The following NRG3 variants were observed in gnomAD, a reference collection of about 807,000 sequenced individuals.
The protein encoded by NRG3 is neuregulin 3, also known as pro-neuregulin-3, membrane-bound isoform.
NRG3 carries 31 observed loss-of-function variants against 66.9 expected under a neutral mutation model. The ratio of observed to expected loss-of-function variants is 0.46; its 90% CI spans 0.35 to 0.63. NRG3 has a LOEUF of 0.63. Ranked by LOEUF, NRG3 falls within the 20% of genes least tolerant of loss-of-function variation. The pLI is 0.00. For missense variants in NRG3, 910 were observed against 878.9 expected, an observed-to-expected ratio of 1.04 and a Z score of -0.45; for synonymous variants, 393 against 359.4, an observed-to-expected ratio of 1.09 and a Z score of -1.06.
intron 2 of NRG3, among the ~76,000 whole-genome samples, chr10:82,653,764 A>G (rs1428671488): frequency 6.6e-6 from 1 of 152,172 alleles, no homozygotes; most frequent in Non-Finnish European, 1.5e-5. Flanking sequence ...GAATAGCTGC[A>G]AGGAATAAAT....
chr10:81,978,548 C>T (rs977947750), intron 1 of NRG3, among the ~76,000 whole-genome samples: 5 of 152,040 alleles, frequency 3.3e-5, no homozygotes, highest in African/African-American at 1.2e-4. Context: ...TTGTTTATAG[C>T]CTCCTCCCAG....
At chr10:82,809,675 G>T (rs1355243208) in intron 3 of NRG3, among the ~76,000 whole-genome samples, 2 of 152,044 alleles carry the variant, frequency 1.3e-5, no homozygotes, top group Non-Finnish European at 2.9e-5. Flanking sequence ...TACTTTCAGG[G>T]TTCATTTGTG....
At chr10:81,898,675 A>G (rs1358627945) in intron 1 of NRG3, among the ~76,000 whole-genome samples, 1 of 152,162 alleles carries the variant, frequency 6.6e-6, no homozygotes, top group Non-Finnish European at 1.5e-5. Context: ...TGTCCAAAAT[A>G]AATAAATAAT....
At chr10:82,708,730 T>C (rs1422016826) in intron 2 of NRG3, among the ~76,000 whole-genome samples, 5 of 152,224 alleles carry the variant, frequency 3.3e-5, no homozygotes, top group African/African-American at 9.6e-5. Flanking sequence ...TAAATTAATA[T>C]TGAATTCATC....
At chr10:82,329,920 C>G (rs2082060044) in intron 1 of NRG3, among the ~76,000 whole-genome samples, 1 of 152,190 alleles carries the variant, frequency 6.6e-6, no homozygotes, top group Non-Finnish European at 1.5e-5. Flanking sequence ...TGGACCATGG[C>G]TACCACCCAA....
In NRG3 at chr10:82,744,479, A is replaced by G. The variant is rs558283453; in HGVS notation, c.1027+5829A>G. On this transcript the variant is annotated intron_variant, in intron 3 of 8. Transcript: ENST00000372141. ...TTTTGGAAGGGCTTGAATCCTATTC[A>G]TGAGGATTTCTTCTTCCCGATCTAT... 2.0e-5 allele frequency among the ~76,000 whole-genome samples: 3 copies of G among 152,250 alleles called. No homozygotes were observed. In the East Asian group the frequency reaches 5.8e-4, roughly 29 times the overall value.
chr10:82,675,503 A>G (rs556422149), intron 2 of NRG3, among the ~76,000 whole-genome samples: 57 of 152,312 alleles, frequency 3.7e-4, no homozygotes, highest in African/African-American at 1.3e-3. Context: ...GATGCTGTCC[A>G]CAGGGGTAAT....
intron 1 of NRG3, among the ~76,000 whole-genome samples, chr10:81,985,779 A>G (rs1483962851): frequency 6.6e-6 from 1 of 152,264 alleles, no homozygotes; most frequent in Non-Finnish European, 1.5e-5. Flanking sequence ...AATCACCCAC[A>G]TGAGTGGGTC....
intron 4 of NRG3, among the ~76,000 whole-genome samples, chr10:82,888,556 C>G (rs1054871774): frequency 6.6e-6 from 1 of 152,160 alleles, no homozygotes; most frequent in Middle Eastern, 3.4e-3. Context: ...TTGGGAAATG[C>G]TTATTCATTT....
intron 2 of NRG3, among the ~76,000 whole-genome samples, chr10:82,482,166 C>T (rs1405884306): frequency 1.3e-5 from 2 of 151,952 alleles, no homozygotes; most frequent in Non-Finnish European, 2.9e-5. Flanking sequence ...AAAAAATCCA[C>T]ATGTAGAATT....
chr10:82,564,789 G>C (rs2045286892), intron 2 of NRG3, among the ~76,000 whole-genome samples: 1 of 152,040 alleles, frequency 6.6e-6, no homozygotes, highest in South Asian at 2.1e-4. Context: ...TTATTTCTTT[G>C]TCGTGAGATG....
At chr10:82,418,460 AAAG>A (rs1402993581) in intron 2 of NRG3, among the ~76,000 whole-genome samples, 3 of 144,934 alleles carry the variant, frequency 2.1e-5, no homozygotes, top group Non-Finnish European at 3.0e-5. Flanking sequence ...ATGCAAATGA[AAAG>A]AGGAGGTAAG....
At chr10:82,065,154 T>C (rs1235730746) in intron 1 of NRG3, among the ~76,000 whole-genome samples, 1 of 152,190 alleles carries the variant, frequency 6.6e-6, no homozygotes, top group Non-Finnish European at 1.5e-5. Flanking sequence ...TCAAAGGCTT[T>C]TTGACTTCCG....
At chr10:82,500,226 C>A (rs1375102914) in intron 2 of NRG3, among the ~76,000 whole-genome samples, 2 of 152,150 alleles carry the variant, frequency 1.3e-5, no homozygotes, top group Non-Finnish European at 2.9e-5. Flanking sequence ...TGAAATCTTA[C>A]AATTAGCCTC....
At chr10:82,904,042 TTC>T (rs1360819136) in intron 4 of NRG3, among the ~76,000 whole-genome samples, 1 of 152,158 alleles carries the variant, frequency 6.6e-6, no homozygotes, top group Non-Finnish European at 1.5e-5. Context: ...TTTTAACATC[TTC>T]TTTTTTTCAA....
chr10:82,512,804 T>G (rs1187239838), intron 2 of NRG3, among the ~76,000 whole-genome samples: 1 of 152,210 alleles, frequency 6.6e-6, no homozygotes, highest in East Asian at 1.9e-4. Context: ...GACTCCTATA[T>G]AAATGAAACT....
intron 1 of NRG3, among the ~76,000 whole-genome samples, chr10:82,237,454 G>A (rs2076810462): frequency 6.6e-6 from 1 of 152,120 alleles, no homozygotes. Context: ...TAGATAGCTA[G>A]CAATCATTTA....
chr10:82,830,244 G>T (rs1257656927), intron 3 of NRG3, among the ~76,000 whole-genome samples: 1 of 152,090 alleles, frequency 6.6e-6, no homozygotes, highest in Non-Finnish European at 1.5e-5. Flanking sequence ...GCATTTCTTT[G>T]TTTACAAGTC....
At chr10:81,991,055 C>G (rs2060720364) in intron 1 of NRG3, among the ~76,000 whole-genome samples, 2 of 151,992 alleles carry the variant, frequency 1.3e-5, no homozygotes, top group Admixed American at 1.3e-4. Context: ...CTTATTTATG[C>G]AAAAGGAAGG....
Sources: gnomAD v4.1 joint callset for allele counts (sites outside exome capture counted in the v4.1 genomes callset) on GRCh38, gnomAD v4.1.1 for gene constraint, MANE v1.5 for transcripts, NCBI Gene and HGNC (gene_info 2026-07-23, HGNC 2026-07-21) for gene names.